Variants in SETBP1 observed in about 807,000 individuals in gnomAD.
SETBP1 encodes the protein SET binding protein 1, also known as SET-binding protein.
In SETBP1, 9 loss-of-function variants were observed where a neutral mutation model predicts 101.0. The ratio of observed to expected loss-of-function variants is 0.09; its 90% CI spans 0.05 to 0.16. SETBP1 has a LOEUF of 0.16. SETBP1 is among the 10% of genes least tolerant of loss of function. The pLI is 1.00. For synonymous variants in SETBP1, 818 were observed against 788.5 expected, an observed-to-expected ratio of 1.04 and a Z score of -0.63; for missense variants, 1,858 against 2,033.8, an observed-to-expected ratio of 0.91 and a Z score of 1.66.
At chr18:44,837,003 TA>T (rs2072511862) in intron 2 of SETBP1, among the ~76,000 whole-genome samples, 1 of 152,200 alleles carries the variant, frequency 6.6e-6, no homozygotes, top group South Asian at 2.1e-4. Flanking sequence ...CTTTTCATGC[TA>T]ATGTTTTGAG....
At chr18:44,895,012 G>T (rs191003739) in intron 3 of SETBP1, among the ~76,000 whole-genome samples, 24 of 149,750 alleles carry the variant, frequency 1.6e-4, no homozygotes, top group African/African-American at 5.9e-4. Flanking sequence ...TACTAGGGAG[G>T]CTGAGGTGGG....
intron 3 of SETBP1, among the ~76,000 whole-genome samples, chr18:44,879,493 A>G (rs2144730396): frequency 6.6e-6 from 1 of 152,326 alleles, no homozygotes; most frequent in East Asian, 1.9e-4. Flanking sequence ...ACTCTTATAA[A>G]TTACATAATT....
intron 4 of SETBP1, among the ~76,000 whole-genome samples, chr18:44,978,197 G>A (rs1264116691): frequency 6.6e-6 from 1 of 152,058 alleles, no homozygotes; most frequent in Non-Finnish European, 1.5e-5. Context: ...AAAACACTAG[G>A]ACAGGCCCAT....
At chr18:44,908,307 TC>T (rs1189059090) in intron 3 of SETBP1, among the ~76,000 whole-genome samples, 9 of 152,080 alleles carry the variant, frequency 5.9e-5, no homozygotes, top group Non-Finnish European at 1.2e-4. Context: ...CACCTCGGCC[TC>T]CCAAAGTGCT....
intron 2 of SETBP1, among the ~76,000 whole-genome samples, chr18:44,841,796 C>T (rs1449499047): frequency 6.6e-6 from 1 of 152,180 alleles, no homozygotes; most frequent in Non-Finnish European, 1.5e-5. Flanking sequence ...GACTTATCAC[C>T]TCTTTTCACC....
At chr18:44,861,751 C>CA (rs1326479911) in intron 2 of SETBP1, among the ~76,000 whole-genome samples, 1 of 152,146 alleles carries the variant, frequency 6.6e-6, no homozygotes, top group Non-Finnish European at 1.5e-5. Flanking sequence ...TATTAACATC[C>CA]ATATCACCAG....
At chr18:44,972,419 A>G (rs530392627) in intron 4 of SETBP1, among the ~76,000 whole-genome samples, 4 of 152,326 alleles carry the variant, frequency 2.6e-5, no homozygotes, top group Admixed American at 6.5e-5. Flanking sequence ...CAAGAAAGTC[A>G]TTGGTAGCTT....
At chr18:44,778,284 C>CT (rs2071048248) in intron 2 of SETBP1, among the ~76,000 whole-genome samples, 1 of 152,172 alleles carries the variant, frequency 6.6e-6, no homozygotes. Flanking sequence ...TATTCTCAGC[C>CT]TAGGGGGGCC....
intron 4 of SETBP1, among the ~76,000 whole-genome samples, chr18:45,017,352 C>A (rs570607693): frequency 9.2e-5 from 14 of 152,350 alleles, no homozygotes; most frequent in African/African-American, 2.9e-4. Flanking sequence ...AAACTGTGGA[C>A]TCTGCAAAAT....
intron 2 of SETBP1, among the ~76,000 whole-genome samples, chr18:44,829,165 C>T (rs2072303825): frequency 6.6e-6 from 1 of 152,212 alleles, no homozygotes. Context: ...GTTCCCACTA[C>T]AAGCCCTGTT....
At chr18:44,719,515 T>C (rs1382977204) in intron 2 of SETBP1, among the ~76,000 whole-genome samples, 16 of 152,084 alleles carry the variant, frequency 1.1e-4, no homozygotes, top group Non-Finnish European at 2.2e-4. Context: ...TGGGACCTTT[T>C]CAAAAATGCT....
At chr18:44,848,160 A>G (rs2072762603) in intron 2 of SETBP1, among the ~76,000 whole-genome samples, 1 of 152,068 alleles carries the variant, frequency 6.6e-6, no homozygotes, top group South Asian at 2.1e-4. Flanking sequence ...ATTGTAAACT[A>G]CTGGGTAAGA....
At chr18:45,025,050 A>G (rs1397893313) in intron 4 of SETBP1, among the ~76,000 whole-genome samples, 2 of 152,220 alleles carry the variant, frequency 1.3e-5, no homozygotes, top group Non-Finnish European at 2.9e-5. Context: ...TTAAATTTCC[A>G]CTAACAAGAT....
chr18:44,919,548 C>T (rs2070527855), intron 3 of SETBP1, among the ~76,000 whole-genome samples: 1 of 151,948 alleles, frequency 6.6e-6, no homozygotes. Context: ...TGGGGTTTCA[C>T]CATGTTGGCC....
rs185593899 is a variant in SETBP1, at chr18:45,065,368, G to A, written c.*1670G>A. 6.6e-6 allele frequency: 1 copy of A among 152,300 alleles called. No individual in the cohort carries two copies. The highest frequency in any genetic ancestry group is 2.4e-5 in the African/African-American group (1 of 41,562). 9.4% of individuals were successfully genotyped at this position (152,300 alleles called of 1,614,324 possible). Reference sequence around the variant, plus strand: ...TTATAGAAAGAGACACTGAGAGAGAGAATTAAATTTTCTAATGGGAATTAG... The same window carrying A: ...TTATAGAAAGAGACACTGAGAGAGAAAATTAAATTTTCTAATGGGAATTAG... On this transcript the variant is annotated 3_prime_UTR_variant, in exon 6 of 6. Coordinates refer to ENST00000649279, the MANE Select transcript of SETBP1 (RefSeq NM_015559.3).
chr18:44,994,247 T>A (rs1373659816), intron 4 of SETBP1, among the ~76,000 whole-genome samples: 2 of 152,082 alleles, frequency 1.3e-5, no homozygotes, highest in East Asian at 1.9e-4. Context: ...GTTCAGTAAT[T>A]TTCCTGATTC....
chr18:45,034,528 CT>C (rs201790336), intron 4 of SETBP1, among the ~76,000 whole-genome samples: 2 of 150,884 alleles, frequency 1.3e-5, no homozygotes, highest in Non-Finnish European at 3.0e-5. Flanking sequence ...GTTTCAGAGA[CT>C]TTTTTAAAAA....
intron 3 of SETBP1, among the ~76,000 whole-genome samples, chr18:44,940,883 C>T (rs866411143): frequency 5.9e-5 from 9 of 152,080 alleles, no homozygotes; most frequent in South Asian, 2.1e-4. Flanking sequence ...CTTTCTTTTA[C>T]ATATCTTGTA....
chr18:44,724,776 A>T (rs1041790967), intron 2 of SETBP1, among the ~76,000 whole-genome samples: 4 of 152,318 alleles, frequency 2.6e-5, no homozygotes, highest in African/African-American at 9.6e-5. Flanking sequence ...CTGAAGGCTG[A>T]CAGGCAGCAG....
Sources: allele counts gnomAD v4.1 joint callset (sites outside exome capture counted in the v4.1 genomes callset), GRCh38; gene constraint gnomAD v4.1.1; transcripts MANE v1.5; gene names NCBI Gene and HGNC (gene_info 2026-07-23, HGNC 2026-07-21).